CD80: variants seen among roughly 807,000 people sequenced by gnomAD.
The protein encoded by CD80 is CD80 molecule, also known as T-lymphocyte activation antigen CD80.
CD80 carries 13 observed loss-of-function variants against 27.1 expected under a neutral mutation model. The observed-to-expected ratio is 0.48, with a 90% CI of 0.31 to 0.76. CD80 has a LOEUF of 0.76. Among genes scored for constraint, CD80 ranks in the 30% least tolerant of loss-of-function variants. The pLI is 0.04. For missense variants in CD80, 277 were observed against 347.9 expected (o/e 0.80, Z 1.62); for synonymous variants, 125 against 125.5 (o/e 1.00, Z 0.03).
intron 3 of CD80, among the ~76,000 whole-genome samples, chr3:119,544,092 T>TG (rs200822824): frequency 0.028 from 4,186 of 152,180 alleles, 90 homozygotes; most frequent in Middle Eastern, 0.11. Context: ...TTCGCTATGT[T>TG]GGCCAGGCTG....
In CD80 at chr3:119,529,885, T is replaced by G. The variant is rs748540169; in HGVS notation, c.753A>C (p.Leu251Phe). The change falls in exon 5 of 7, where the codon TTA becomes TTC. Residue 251 changes from leucine to phenylalanine, a missense_variant. By Grantham distance (22) the Leu-to-Phe change is conservative. Transcript: ENST00000264246. ...TCACAAAAATTCCATTTACTGAGAT[T>G]AAGGTAATGGCCCAGGATGGGAGCA... is the stretch of plus-strand genomic sequence containing the variant. ...DNLLPSWAIT[L>F]ISVNGIFVIC... 10 of 1,613,776 alleles carry G rather than the reference T, an allele frequency of 6.2e-6. No individual in the cohort carries two copies. In the African/African-American group the frequency reaches 1.1e-4, roughly 17 times the overall value.
chr3:119,536,367 G>T (rs1035075637), intron 4 of CD80, among the ~76,000 whole-genome samples: 1 of 151,646 alleles, frequency 6.6e-6, no homozygotes, highest in Non-Finnish European at 1.5e-5. Context: ...TAGAGACAGG[G>T]TCTCACTCTG....
At chr3:119,543,119 G>T (rs1035285173) in intron 3 of CD80, among the ~76,000 whole-genome samples, 20 of 152,320 alleles carry the variant, frequency 1.3e-4, no homozygotes, top group African/African-American at 3.4e-4. Flanking sequence ...CTCCCCAGAT[G>T]CTTGGAGAGA....
intron 2 of CD80, among the ~76,000 whole-genome samples, chr3:119,550,373 T>G (rs757180333): frequency 6.6e-5 from 10 of 152,206 alleles, no homozygotes; most frequent in Non-Finnish European, 1.2e-4. Flanking sequence ...TGGTGATGGC[T>G]TCTGAGGAGT....
intron 6 of CD80, among the ~76,000 whole-genome samples, chr3:119,526,112 C>T (rs953355299): frequency 5.9e-5 from 9 of 152,048 alleles, no homozygotes; most frequent in South Asian, 4.1e-4. Context: ...TATTACCAAA[C>T]GACCAAATGC....
intron 2 of CD80, among the ~76,000 whole-genome samples, chr3:119,550,617 T>C (rs2082226376): frequency 6.6e-6 from 1 of 152,176 alleles, no homozygotes; most frequent in African/African-American, 2.4e-5. Flanking sequence ...CTCTAACGAT[T>C]TTGTCTGCTT....
intron 2 of CD80, among the ~76,000 whole-genome samples, chr3:119,546,007 G>T (rs59789079): frequency 0.13 from 19,684 of 152,200 alleles, 1,503 homozygotes; most frequent in Admixed American, 0.18. Flanking sequence ...AACTAAATGT[G>T]ATTGCATAAA....
chr3:119,530,928 T>A (rs2082106442), intron 4 of CD80, among the ~76,000 whole-genome samples: 1 of 152,238 alleles, frequency 6.6e-6, no homozygotes, highest in Non-Finnish European at 1.5e-5. Context: ...TCACTATGAG[T>A]TAGCCAGCCT....
intron 2 of CD80, among the ~76,000 whole-genome samples, chr3:119,553,543 C>G (rs1011043362): frequency 1.3e-5 from 2 of 152,192 alleles, no homozygotes; most frequent in Non-Finnish European, 2.9e-5. Flanking sequence ...CCACCCTCTC[C>G]GTGCAGCCTG....
At chr3:119,538,191 CA>C (rs1360119894) in intron 3 of CD80, among the ~76,000 whole-genome samples, 1 of 152,176 alleles carries the variant, frequency 6.6e-6, no homozygotes, top group East Asian at 1.9e-4. Context: ...TATAAGTAAT[CA>C]AACTGAGGTT....
chr3:119,541,483 T>C (rs933133419), intron 3 of CD80, among the ~76,000 whole-genome samples: 14 of 152,224 alleles, frequency 9.2e-5, no homozygotes, highest in African/African-American at 2.7e-4. Context: ...CCAAAAATCT[T>C]GTGCCCCAAA....
chr3:119,538,951 C>A (rs1349779172), intron 3 of CD80, among the ~76,000 whole-genome samples: 1 of 152,062 alleles, frequency 6.6e-6, no homozygotes, highest in African/African-American at 2.4e-5. Context: ...ACACCCCATA[C>A]CCCAAAAAAA....
chr3:119,555,218 A>G (rs1287900947), intron 2 of CD80, among the ~76,000 whole-genome samples: 1 of 152,242 alleles, frequency 6.6e-6, no homozygotes, highest in Admixed American at 6.5e-5. Context: ...GCGCCAGGGC[A>G]GTACACTTGT....
rs2082169880 is a variant in CD80 at position 119,541,796 on chromosome 3, G to A, written c.418+2754C>T. ...GTGACCTTTTTGTCTTCCCTTTACT[G>A]GATTTTGTCCACCCACACACCCTCG... is the stretch of plus-strand genomic sequence containing the variant. On this transcript the variant is annotated intron_variant, in intron 3 of 6. Coordinates refer to ENST00000264246, the MANE Select transcript of CD80 (RefSeq NM_005191.4). Among the ~76,000 whole-genome samples, 3 of 152,220 alleles carry A rather than the reference G, an allele frequency of 2.0e-5. No homozygotes were observed. In the South Asian group the frequency reaches 6.2e-4, roughly 32 times the overall value.
chr3:119,537,955 A>G lies in CD80; in HGVS notation c.419-537T>C, dbSNP rs149676378. 7.2e-3 allele frequency among the ~76,000 whole-genome samples: 1,104 copies of G among 152,342 alleles called. 10 individuals carry two copies. The highest frequency in any genetic ancestry group is 0.025 in the African/African-American group (1,032 of 41,570). ...TTTTGATGGAGATAGGAGGGCACTT[A>G]TTACAGAAAGGAGAAGTAGGTTCGT... On this transcript the variant is annotated intron_variant, in intron 3 of 6. Transcript: ENST00000264246.
chr3:119,533,432 GT>G (rs1038617514), intron 4 of CD80, among the ~76,000 whole-genome samples: 1 of 145,270 alleles, frequency 6.9e-6, no homozygotes, highest in African/African-American at 2.6e-5. Flanking sequence ...TTCCAAATCA[GT>G]TATTTACTGA....
At chr3:119,544,910 AC>A (rs760922746) in intron 2 of CD80, 43 bp from the exon 3 acceptor site, 145 of 1,523,184 alleles carry the variant, frequency 9.5e-5, no homozygotes, top group Non-Finnish European at 1.3e-4. Flanking sequence ...TTTATTAAAT[AC>A]AGATTCCTGC....
chr3:119,540,638 A>C (rs955608690), intron 3 of CD80, among the ~76,000 whole-genome samples: 1 of 152,220 alleles, frequency 6.6e-6, no homozygotes, highest in African/African-American at 2.4e-5. Flanking sequence ...ATAACTAGGA[A>C]TAATAAATCC....
At chr3:119,536,317 T>A (rs960583650) in intron 4 of CD80, among the ~76,000 whole-genome samples, 1 of 152,008 alleles carries the variant, frequency 6.6e-6, no homozygotes, top group African/African-American at 2.4e-5. Flanking sequence ...GTGACTTTAT[T>A]TTTTAAATTT....
Sources: allele counts gnomAD v4.1 joint callset (sites outside exome capture counted in the v4.1 genomes callset), GRCh38; gene constraint gnomAD v4.1.1; transcripts MANE v1.5; gene names NCBI Gene and HGNC (gene_info 2026-07-23, HGNC 2026-07-21).